MED13L: variants seen among roughly 807,000 people sequenced by gnomAD.
The protein encoded by MED13L is mediator complex subunit 13L, also known as mediator of RNA polymerase II transcription subunit 13-like.
MED13L carries 7 observed loss-of-function variants against 220.9 expected under a neutral mutation model. That is an observed-to-expected ratio of 0.03 (90% CI 0.02 to 0.06). The LOEUF is 0.06. Among genes scored for constraint, MED13L ranks in the 10% least tolerant of loss-of-function variants. The pLI, the probability that MED13L is intolerant of heterozygous loss-of-function variation, is 1.00. For synonymous variants in MED13L, 1,011 were observed against 1,015.2 expected, an observed-to-expected ratio of 1.00 and a Z score of 0.08; for missense variants, 1,965 against 2,760.5, an observed-to-expected ratio of 0.71 and a Z score of 6.46.
Position 116,008,831 on chromosome 12 carries a change from G to C in MED13L, c.1582C>G (p.Gln528Glu). 1 of 1,614,014 alleles carries C rather than the reference G, an allele frequency of 6.2e-7. No individual in the cohort carries two copies. ...GTATTTCTGGAAGGCACGGCCATTT[G>C]CTTATCATATTTCCTACTGCTAGAC... ...EVSSSRKYDKQMAVPSRNTSK... is the reference protein window; with the variant it reads ...EVSSSRKYDKEMAVPSRNTSK... The change falls in exon 10 of 31, where the codon CAA (glutamine) becomes GAA (glutamate). Residue 528 changes from glutamine (Q) to glutamate (E), a missense_variant. Physicochemically the swap from Gln to Glu is conservative, Grantham distance 29. This residue lies in a region of MED13L where 818 missense variants were observed against 1,041.2 expected (regional missense o/e 0.79). Coordinates refer to ENST00000281928, the MANE Select transcript of MED13L (RefSeq NM_015335.5).
chr12:116,102,820 C>A (rs1873206392), intron 3 of MED13L, among the ~76,000 whole-genome samples: 1 of 139,328 alleles, frequency 7.2e-6, no homozygotes, highest in Non-Finnish European at 1.5e-5. Flanking sequence ...CTCCCAGGTT[C>A]AAGCGATTCT....
intron 2 of MED13L, among the ~76,000 whole-genome samples, chr12:116,144,976 T>C (rs960792680): frequency 6.6e-6 from 1 of 152,244 alleles, no homozygotes; most frequent in African/African-American, 2.4e-5. Flanking sequence ...GGTAATTACG[T>C]GTATCTGTGC....
intron 4 of MED13L, among the ~76,000 whole-genome samples, chr12:116,073,974 G>A (rs1273827445): frequency 6.6e-6 from 1 of 152,198 alleles, no homozygotes; most frequent in Non-Finnish European, 1.5e-5. Context: ...ACAGCTTTAT[G>A]TGACTGCTAA....
intron 2 of MED13L, among the ~76,000 whole-genome samples, chr12:116,173,928 C>T (rs1490279478): frequency 6.6e-6 from 1 of 151,960 alleles, no homozygotes; most frequent in Non-Finnish European, 1.5e-5. Context: ...ACAAGATGCC[C>T]ATCCCTACAA....
intron 4 of MED13L, among the ~76,000 whole-genome samples, chr12:116,058,427 A>G (rs1291946724): frequency 6.6e-6 from 1 of 152,134 alleles, no homozygotes; most frequent in Non-Finnish European, 1.5e-5. Flanking sequence ...TACTGTACTG[A>G]TGAGTCTGTA....
intron 2 of MED13L, among the ~76,000 whole-genome samples, chr12:116,209,227 G>A (rs1193028936): frequency 6.6e-6 from 1 of 152,072 alleles, no homozygotes; most frequent in East Asian, 1.9e-4. Context: ...CACTACCTGT[G>A]GACTTTAAAT....
chr12:116,240,885 A>G (rs1287754174), intron 1 of MED13L, among the ~76,000 whole-genome samples: 1 of 152,152 alleles, frequency 6.6e-6, no homozygotes, highest in Non-Finnish European at 1.5e-5. Context: ...TCAAAGAAGG[A>G]AACAAAAATA....
intron 2 of MED13L, among the ~76,000 whole-genome samples, chr12:116,122,280 C>T (rs1441427770): frequency 6.6e-6 from 1 of 152,132 alleles, no homozygotes; most frequent in Non-Finnish European, 1.5e-5. Context: ...AACTCAGTAA[C>T]AAAGGAGCAC....
chr12:115,983,621 T>TAAA, intron 20 of MED13L, 81 bp from the exon 21 acceptor site: 1 of 1,433,720 alleles, frequency 7.0e-7, no homozygotes, highest in South Asian at 1.2e-5. Flanking sequence ...TGGTCACTTG[T>TAAA]AAAAACATTA....
chr12:116,048,521 T>A (rs1881972840), intron 4 of MED13L, among the ~76,000 whole-genome samples: 1 of 152,090 alleles, frequency 6.6e-6, no homozygotes, highest in Non-Finnish European at 1.5e-5. Flanking sequence ...ACAGTAAAAG[T>A]TGAAAAGAAA....
intron 23 of MED13L, among the ~76,000 whole-genome samples, chr12:115,976,811 A>G (rs1479078013): frequency 1.3e-5 from 2 of 152,200 alleles, no homozygotes; most frequent in African/African-American, 4.8e-5. Flanking sequence ...CAAAAAAGAA[A>G]ACCAGAGAAT....
chr12:116,236,910 T>A (rs1870133480), intron 2 of MED13L: 2 of 979,134 alleles, frequency 2.0e-6, no homozygotes, highest in Non-Finnish European at 2.4e-6. Context: ...CCAAATTACA[T>A]GAAAAACAGA....
At chr12:116,200,084 A>G (rs1357702786) in intron 2 of MED13L, among the ~76,000 whole-genome samples, 4 of 151,858 alleles carry the variant, frequency 2.6e-5, no homozygotes, top group Admixed American at 1.3e-4. Flanking sequence ...CTTTTCAAAA[A>G]AAAAAAAAAA....
chr12:116,226,398 C>G (rs1868998667), intron 2 of MED13L, among the ~76,000 whole-genome samples: 1 of 152,136 alleles, frequency 6.6e-6, no homozygotes, highest in Non-Finnish European at 1.5e-5. Context: ...GTATGTGGCC[C>G]TGTACTTGTG....
chr12:116,214,684 G>C (rs139783317), intron 2 of MED13L, among the ~76,000 whole-genome samples: 7 of 152,202 alleles, frequency 4.6e-5, no homozygotes, highest in African/African-American at 1.7e-4. Context: ...GGGTAAGAAT[G>C]ACTGGCTCAA....
intron 1 of MED13L, among the ~76,000 whole-genome samples, chr12:116,262,765 TTTAA>T (rs1872598721): frequency 6.6e-6 from 1 of 152,204 alleles, no homozygotes; most frequent in Non-Finnish European, 1.5e-5. Context: ...CATTCCGCTG[TTTAA>T]TTAAATGTTA....
intron 3 of MED13L, among the ~76,000 whole-genome samples, chr12:116,111,169 G>A (rs1874045594): frequency 6.6e-6 from 1 of 152,088 alleles, no homozygotes; most frequent in African/African-American, 2.4e-5. Flanking sequence ...TTACAAATAT[G>A]CAAATGATTT....
At chr12:115,996,745 A>G in intron 15 of MED13L, 64 bp from the exon 16 acceptor site, 1 of 1,412,630 alleles carries the variant, frequency 7.1e-7, no homozygotes, top group Non-Finnish European at 1.0e-6. Context: ...CCACAGTGGC[A>G]TAGTGCTATC....
intron 3 of MED13L, among the ~76,000 whole-genome samples, chr12:116,101,500 ATGTG>A (rs1381509063): frequency 6.6e-6 from 1 of 152,106 alleles, no homozygotes; most frequent in African/African-American, 2.4e-5. Context: ...GAATTTTCTT[ATGTG>A]TATGTATTCT....
Sources: gnomAD v4.1 joint callset for allele counts (sites outside exome capture counted in the v4.1 genomes callset) on GRCh38, gnomAD v4.1.1 for gene constraint, gnomAD v4.1.1 regional missense constraint, MANE v1.5 for transcripts, NCBI Gene and HGNC (gene_info 2026-07-23, HGNC 2026-07-21) for gene names.